PTPRK: variants seen among roughly 807,000 people sequenced by gnomAD.
PTPRK encodes protein tyrosine phosphatase receptor type K.
PTPRK carries 75 observed loss-of-function variants against 178.0 expected under a neutral mutation model. The observed-to-expected ratio is 0.42, with a 90% confidence interval of 0.35 to 0.51. The LOEUF is 0.51. Among genes scored for constraint, PTPRK ranks in the 20% least tolerant of loss-of-function variants. The probability of loss-of-function intolerance (pLI) is 0.02; values close to 1 mark genes in which losing one functional copy is unlikely to be tolerated. For synonymous variants in PTPRK, 637 were observed against 620.6 expected, an observed-to-expected ratio of 1.03 and a Z score of -0.39; for missense variants, 1,441 against 1,797.8, an observed-to-expected ratio of 0.80 and a Z score of 3.59.
chr6:128,080,885 T>C (rs1370685758), intron 10 of PTPRK, among the ~76,000 whole-genome samples: 1 of 152,056 alleles, frequency 6.6e-6, no homozygotes, highest in East Asian at 1.9e-4. Context: ...AATCAAGTAC[T>C]CATTGCACTT....
chr6:128,242,089 T>A (rs1814575998), intron 4 of PTPRK, among the ~76,000 whole-genome samples: 2 of 151,864 alleles, frequency 1.3e-5, no homozygotes, highest in Non-Finnish European at 2.9e-5. Flanking sequence ...TGGAATAAGG[T>A]GAACTAATTA....
intron 12 of PTPRK, among the ~76,000 whole-genome samples, chr6:128,067,208 G>C (rs1179381414): frequency 6.6e-6 from 1 of 152,118 alleles, no homozygotes; most frequent in African/African-American, 2.4e-5. Context: ...TCGTTACTGA[G>C]GGTGGAGTCC....
chr6:128,393,317 C>T (rs1385545969), intron 2 of PTPRK, among the ~76,000 whole-genome samples: 2 of 152,106 alleles, frequency 1.3e-5, no homozygotes, highest in African/African-American at 4.8e-5. Context: ...TCTCGAACTC[C>T]TAACCTCGTG....
chr6:128,228,016 T>G (rs998862135), intron 5 of PTPRK, among the ~76,000 whole-genome samples: 2 of 151,478 alleles, frequency 1.3e-5, no homozygotes, highest in Non-Finnish European at 2.9e-5. Context: ...ATACCTAATG[T>G]AGGTGATGGG....
At chr6:128,463,289 T>C (rs1485813605) in intron 1 of PTPRK, among the ~76,000 whole-genome samples, 6 of 152,188 alleles carry the variant, frequency 3.9e-5, no homozygotes, top group African/African-American at 1.2e-4. Flanking sequence ...TGCTTGTTTA[T>C]ACTATCTATT....
At chr6:128,016,902 T>A (rs961504270) in intron 13 of PTPRK, among the ~76,000 whole-genome samples, 1 of 152,062 alleles carries the variant, frequency 6.6e-6, no homozygotes, top group Middle Eastern at 3.4e-3. Flanking sequence ...AGTACATGAG[T>A]CACTTTCTGG....
chr6:128,309,497 T>C (rs917892303), intron 3 of PTPRK, among the ~76,000 whole-genome samples: 14 of 152,110 alleles, frequency 9.2e-5, no homozygotes, highest in African/African-American at 2.9e-4. Context: ...GTTCGGACCC[T>C]ACACAAGGCA....
At chr6:128,033,903 A>T (rs761748596) in intron 13 of PTPRK, among the ~76,000 whole-genome samples, 2 of 152,068 alleles carry the variant, frequency 1.3e-5, no homozygotes, top group Non-Finnish European at 2.9e-5. Context: ...GATGAATTTC[A>T]CAAGTCAGGA....
rs540178175 is a variant in PTPRK, at chr6:128,262,349, CAA to C, written c.496-19749_496-19748del. Among the ~76,000 whole-genome samples the C allele has an allele frequency of 4.3e-3, 653 of 152,194 alleles. 4 individuals are homozygous for C. The highest frequency in any genetic ancestry group is 0.015 in the African/African-American group (612 of 41,526). On this transcript the variant is annotated intron_variant, in intron 3 of 29. Transcript: ENST00000368226. ...TCTCTTAAAAAAGGATTTTTTATCTCAAGAGAATCACACTGACAGACTTAATA... is the reference window on the plus strand; with the variant it reads ...TCTCTTAAAAAAGGATTTTTTATCTCGAGAATCACACTGACAGACTTAATA...
chr6:128,464,638 CATATAT>C (rs10665667), intron 1 of PTPRK, among the ~76,000 whole-genome samples: 1,293 of 48,598 alleles, frequency 0.027, 31 homozygotes, highest in Non-Finnish European at 0.035. Context: ...TATATATACA[CATATAT>C]ATATATATAT....
In PTPRK at chr6:128,043,368, C is replaced by T. The variant is rs1187704596; in HGVS notation, c.2194+21390G>A. On this transcript the variant is annotated intron_variant, in intron 13 of 29. Transcript: ENST00000368226. ...AACTGTCTGTACTGCCTCAGAAAATCAAATCATCAATAAACATCAGTCTTC... is the reference window on the plus strand; with the variant it reads ...AACTGTCTGTACTGCCTCAGAAAATTAAATCATCAATAAACATCAGTCTTC... 3.9e-5 allele frequency among the ~76,000 whole-genome samples: 6 copies of T among 152,132 alleles called. No individual in the cohort carries two copies. The South Asian group carries it at 1.0e-3, about 26-fold the overall frequency.
At position 127,968,892 on chromosome 6, in the gene PTPRK, T is replaced by C. The variant is rs1773630229; in HGVS notation, c.*1335A>G. ...AGGACACTGGAATGCTTTAGTCAAT[T>C]ACAAACTGCAAGCTGATGATGTGAA... On this transcript the variant is annotated 3_prime_UTR_variant, in exon 30 of 30. Coordinates refer to ENST00000368226, the MANE Select transcript of PTPRK (RefSeq NM_002844.4). The C allele has an allele frequency of 6.6e-6, 1 of 152,224 alleles. No individual in the cohort carries two copies. Among genetic ancestry groups the C allele is most frequent in the South Asian group, 2.1e-4 (1 of 4,832 alleles). The allele number at this position is 152,224 out of a possible 1,614,324, so 9.4% of individuals were successfully genotyped here.
chr6:128,292,993 C>G (rs533659209), intron 3 of PTPRK, among the ~76,000 whole-genome samples: 3 of 151,920 alleles, frequency 2.0e-5, no homozygotes, highest in Non-Finnish European at 4.4e-5. Flanking sequence ...TGGGGTTCAA[C>G]AGCCAACTGG....
intron 1 of PTPRK, among the ~76,000 whole-genome samples, chr6:128,458,173 A>C (rs963702062): frequency 6.6e-6 from 1 of 152,134 alleles, no homozygotes; most frequent in Non-Finnish European, 1.5e-5. Context: ...GTCAAGATGA[A>C]TAGCAATAAG....
Position 128,184,612 on chromosome 6 carries a change from C to T in PTPRK, c.982G>A (p.Val328Ile). 1 of 1,614,034 alleles carries T rather than the reference C, an allele frequency of 6.2e-7. No individual in the cohort carries two copies. Among genetic ancestry groups the T allele is most frequent in the Non-Finnish European group, 8.5e-7 (1 of 1,179,952 alleles). ...GATCCTGATGTCATTCGGTACTCTA[C>T]TTCTTTCAGGATGATAGGACCATCG... ...IGDGPIILKE[V>I]EYRMTSGSWT... Residue 328 changes from valine to isoleucine, a missense_variant, in exon 7 of 30, where the codon GTA becomes ATA. Around this residue, in one of 4 missense-constraint regions of PTPRK, gnomAD observed 945 missense variants for 1,080.6 expected, o/e 0.87. Transcript: ENST00000368226.
intron 7 of PTPRK, among the ~76,000 whole-genome samples, chr6:128,183,978 G>A (rs1054153109): frequency 6.6e-6 from 1 of 151,996 alleles, no homozygotes; most frequent in Non-Finnish European, 1.5e-5. Flanking sequence ...TTATCTCAAC[G>A]AGGCATTGTC....
intron 16 of PTPRK, among the ~76,000 whole-genome samples, chr6:127,997,372 C>T (rs891998119): frequency 2.6e-5 from 4 of 152,024 alleles, no homozygotes; most frequent in African/African-American, 9.7e-5. Context: ...CATCATTTAG[C>T]ATTTATAACA....
chr6:128,131,730 C>T (rs1425511336), intron 7 of PTPRK, among the ~76,000 whole-genome samples: 3 of 152,136 alleles, frequency 2.0e-5, no homozygotes, highest in Non-Finnish European at 2.9e-5. Context: ...ATCTCCAAAC[C>T]ACCATCTCTC....
chr6:128,166,270 A>G (rs1799386499), intron 7 of PTPRK, among the ~76,000 whole-genome samples: 1 of 151,694 alleles, frequency 6.6e-6, no homozygotes, highest in Non-Finnish European at 1.5e-5. Flanking sequence ...TATCTTTAGA[A>G]TTAAGACAAG....
Sources: allele counts gnomAD v4.1 joint callset (sites outside exome capture counted in the v4.1 genomes callset), GRCh38; gene constraint gnomAD v4.1.1; regional missense constraint gnomAD v4.1.1; transcripts MANE v1.5; gene names NCBI Gene and HGNC (gene_info 2026-07-23, HGNC 2026-07-21).